ATL3: variants seen among roughly 807,000 people sequenced by gnomAD.
The protein encoded by ATL3 is atlastin-3.
In ATL3, 49 loss-of-function variants were observed where a neutral mutation model predicts 69.5. That is an observed-to-expected ratio of 0.71 (90% confidence interval 0.56 to 0.89). ATL3 has a LOEUF of 0.89. Among genes scored for constraint, ATL3 ranks in the 40% least tolerant of loss-of-function variants. The pLI, the probability that ATL3 is intolerant of heterozygous loss-of-function variation, is 0.00. For synonymous variants in ATL3, 214 were observed against 224.1 expected (o/e 0.95, Z 0.40); for missense variants, 606 against 645.7 (o/e 0.94, Z 0.67).
chr11:63,643,701 T>A (rs1286149511), intron 7 of ATL3, among the ~76,000 whole-genome samples: 2 of 152,140 alleles, frequency 1.3e-5, no homozygotes, highest in Non-Finnish European at 2.9e-5. Flanking sequence ...AACAGGTGCA[T>A]AAGAGTTTCA....
rs1939139867 is a variant in ATL3, at chr11:63,627,143, TAA to T, written c.*2174_*2175del. The T allele has an allele frequency of 6.6e-6, 1 of 152,228 alleles. No individual in the cohort carries two copies. Among genetic ancestry groups the T allele is most frequent in the African/African-American group, 2.4e-5 (1 of 41,454 alleles). 9.4% of individuals were successfully genotyped at this position (152,228 alleles called of 1,614,324 possible). On this transcript the variant is annotated 3_prime_UTR_variant, in exon 13 of 13. Transcript: ENST00000398868. ...CACCCCTTCTTACCATTAAATTTTT[TAA>T]GTTATTCTGAAATCTATAAATTTAC...
intron 1 of ATL3, among the ~76,000 whole-genome samples, chr11:63,663,046 T>C (rs1940468897): frequency 6.6e-6 from 1 of 151,898 alleles, no homozygotes; most frequent in Non-Finnish European, 1.5e-5. Context: ...CAAGACTCTC[T>C]CCCCTTCAAG....
intron 5 of ATL3, among the ~76,000 whole-genome samples, chr11:63,649,681 G>A (rs1940009079): frequency 6.6e-6 from 1 of 151,334 alleles, no homozygotes; most frequent in Non-Finnish European, 1.5e-5. Context: ...ACAGGCATTT[G>A]CCACCGCACC....
chr11:63,661,119 A>T (rs1485250033), intron 1 of ATL3, among the ~76,000 whole-genome samples: 1 of 151,444 alleles, frequency 6.6e-6, no homozygotes, highest in Non-Finnish European at 1.5e-5. Flanking sequence ...GCTACTGAAG[A>T]GGCTGAGGGA....
chr11:63,668,284 ACAT>A (rs964630620), intron 1 of ATL3, among the ~76,000 whole-genome samples: 1 of 152,194 alleles, frequency 6.6e-6, no homozygotes, highest in Non-Finnish European at 1.5e-5. Flanking sequence ...GCCAGAGAAA[ACAT>A]CATCACAGGC....
chr11:63,632,285 T>C, intron 11 of ATL3: 2 of 765,110 alleles, frequency 2.6e-6, no homozygotes, highest in Non-Finnish European at 4.9e-6. Flanking sequence ...TATGGCTGTA[T>C]AGCTCACTGT....
At position 63,627,357 on chromosome 11, in the gene ATL3, A is replaced by T. The variant is rs1939149153; in HGVS notation, c.*1962T>A. 1 of 152,240 alleles carries T rather than the reference A, an allele frequency of 6.6e-6. No homozygotes were observed. Among genetic ancestry groups the T allele is most frequent in the African/African-American group, 2.4e-5 (1 of 41,456 alleles). 9.4% of individuals were successfully genotyped at this position (152,240 alleles called of 1,614,324 possible). A position where few individuals can be genotyped will look rare whatever the true frequency, so the allele number is the denominator to read the frequency against. On this transcript the variant is annotated 3_prime_UTR_variant, in exon 13 of 13. Coordinates refer to ENST00000398868, the MANE Select transcript of ATL3 (RefSeq NM_015459.5). ...AGTAAACAAGCTGGAATTTTTCTAAAGTGTAACAGCAGTGAATAAAATAGC... is the reference window on the plus strand; with the variant it reads ...AGTAAACAAGCTGGAATTTTTCTAATGTGTAACAGCAGTGAATAAAATAGC...
At chr11:63,634,232 C>T (rs534409904) in intron 10 of ATL3, among the ~76,000 whole-genome samples, 1 of 149,804 alleles carries the variant, frequency 6.7e-6, no homozygotes, top group Non-Finnish European at 1.5e-5. Flanking sequence ...GGGGGCTGGG[C>T]GCGGTGACTC....
intron 3 of ATL3, among the ~76,000 whole-genome samples, chr11:63,653,262 T>C (rs756247192): frequency 6.6e-6 from 1 of 151,948 alleles, no homozygotes; most frequent in Non-Finnish European, 1.5e-5. Context: ...AGGTCCAGAG[T>C]TCGAGACCAG....
chr11:63,656,097 G>A (rs765581152), intron 3 of ATL3, among the ~76,000 whole-genome samples: 65 of 152,034 alleles, frequency 4.3e-4, no homozygotes, highest in Non-Finnish European at 5.7e-4. Flanking sequence ...GGTGGTAGGC[G>A]CCTGTAGTCC....
At chr11:63,635,301 T>A (rs1434530951) in intron 10 of ATL3, among the ~76,000 whole-genome samples, 1 of 152,160 alleles carries the variant, frequency 6.6e-6, no homozygotes, top group Non-Finnish European at 1.5e-5. Context: ...GTGAAAAGAC[T>A]AGGCCCAGTG....
chr11:63,635,644 T>C, intron 9 of ATL3, 54 bp from the exon 10 acceptor site: 1 of 1,367,408 alleles, frequency 7.3e-7, no homozygotes, highest in Middle Eastern at 1.8e-4. Context: ...CATATCTTAC[T>C]CATATTTAAT....
chr11:63,632,341 A>G (rs375334307), intron 11 of ATL3: 14 of 862,186 alleles, frequency 1.6e-5, no homozygotes, highest in Middle Eastern at 2.2e-4. Flanking sequence ...TGGACCATCA[A>G]TGGAGCCTAC....
At chr11:63,665,642 C>T (rs1302087782) in intron 1 of ATL3, among the ~76,000 whole-genome samples, 5 of 152,026 alleles carry the variant, frequency 3.3e-5, no homozygotes, top group Non-Finnish European at 7.4e-5. Flanking sequence ...AATCCTAGCA[C>T]TTTTGGGAGG....
At chr11:63,669,816 C>T (rs975057472) in intron 1 of ATL3, among the ~76,000 whole-genome samples, 1 of 150,990 alleles carries the variant, frequency 6.6e-6, no homozygotes, top group Non-Finnish European at 1.5e-5. Flanking sequence ...GGCCTGGTGG[C>T]GGATGTCTAT....
chr11:63,626,218 A>T lies in ATL3; in HGVS notation c.*3101T>A, dbSNP rs1315430071. ...AACATGGCAAAACCCCACCTCTAGT[A>T]AAAAAACAAAAATTAGCCAGGCGTG... On this transcript the variant is annotated 3_prime_UTR_variant, in exon 13 of 13. Coordinates refer to ENST00000398868, the MANE Select transcript of ATL3 (RefSeq NM_015459.5). 4 of 152,024 alleles carry T rather than the reference A, an allele frequency of 2.6e-5. No individual in the cohort carries two copies. The highest frequency in any genetic ancestry group is 7.3e-5 in the African/African-American group (3 of 41,376). The allele number at this position is 152,024 out of a possible 1,614,324, so 9.4% of individuals were successfully genotyped here. A position where few individuals can be genotyped will look rare whatever the true frequency, so the allele number is the denominator to read the frequency against.
At chr11:63,667,708 G>A (rs1223991818) in intron 1 of ATL3, among the ~76,000 whole-genome samples, 2 of 150,606 alleles carry the variant, frequency 1.3e-5, no homozygotes, top group Non-Finnish European at 3.0e-5. Flanking sequence ...AGGCTGCAGT[G>A]AGCTGAGATC....
At chr11:63,670,487 GTCATT>G (rs2134552849) in intron 1 of ATL3, 1 of 152,316 alleles carries the variant, frequency 6.6e-6, no homozygotes, top group Admixed American at 6.5e-5. Flanking sequence ...AAGTGAAACG[GTCATT>G]TCAACAGCAC....
At chr11:63,646,440 C>G in intron 6 of ATL3, 67 bp downstream of exon 6, 1 of 973,596 alleles carries the variant, frequency 1.0e-6, no homozygotes, top group Non-Finnish European at 1.6e-6. Flanking sequence ...GGCCTATGAG[C>G]TGTAGTTTGC....
Sources: gnomAD v4.1 joint callset for allele counts (sites outside exome capture counted in the v4.1 genomes callset) on GRCh38, gnomAD v4.1.1 for gene constraint, MANE v1.5 for transcripts, NCBI Gene and HGNC (gene_info 2026-07-23, HGNC 2026-07-21) for gene names.